Variants in GSR observed in about 807,000 individuals in gnomAD.
The protein encoded by GSR is glutathione-disulfide reductase.
GSR carries 48 observed loss-of-function variants against 56.5 expected under a neutral mutation model. That is an observed-to-expected ratio of 0.85 (90% confidence interval 0.67 to 1.08). GSR has a LOEUF of 1.08. Ranked by LOEUF, GSR falls within the 50% of genes least tolerant of loss-of-function variation. The pLI, the probability that GSR is intolerant of heterozygous loss-of-function variation, is 0.00. For missense variants in GSR, 694 were observed against 703.3 expected (o/e 0.99, Z 0.15); for synonymous variants, 264 against 270.8 (o/e 0.97, Z 0.25).
At position 30,708,833 on chromosome 8, in the gene GSR, C is replaced by A. The variant is rs557821382; in HGVS notation, c.423-692G>T. ...AATTACCCAGGCATGCTGGTGGGTG[C>A]CTGTAGTCCCAGCTACTCAGGAGGC... On this transcript the variant is annotated intron_variant, in intron 3 of 12. Coordinates refer to ENST00000221130, the MANE Select transcript of GSR (RefSeq NM_000637.5). Among the ~76,000 whole-genome samples the A allele has an allele frequency of 2.6e-5, 4 of 151,944 alleles. 1 individual carries two copies. In the South Asian group the frequency reaches 8.3e-4, roughly 32 times the overall value.
Position 30,703,243 on chromosome 8 carries a change from AAAG to A in GSR, c.493-6_493-4del. On this transcript the variant is annotated splice_polypyrimidine_tract_variant and splice_region_variant and intron_variant, in intron 4 of 12. Transcript: ENST00000221130. ...CCACGGATGATTTCTATATGGGACT[AAAG>A]AAGGAACCATGACATTAGCCTGTTC... 6.2e-7 allele frequency: 1 copy of A among 1,613,574 alleles called. No homozygotes were observed. The highest frequency in any genetic ancestry group is 1.1e-5 in the South Asian group (1 of 91,078).
rs1803276529 is a variant in GSR, at chr8:30,689,243, A to G, written c.959T>C (p.Met320Thr). 6.2e-7 allele frequency: 1 copy of G among 1,613,822 alleles called. No individual in the cohort carries two copies. Among genetic ancestry groups the G allele is most frequent in the African/African-American group, 1.3e-5 (1 of 74,934 alleles). Residue 320 changes from methionine (M) to threonine (T), a missense_variant, in exon 9 of 13, where the codon ATG (methionine) becomes ACG (threonine). By Grantham distance (81) the Met-to-Thr change is moderately conservative (BLOSUM62 -1). Transcript: ENST00000221130. ...GCAGTCAACATCTGGAATCATGGTC[A>G]TGACTGGTAGCCTACCGGGAACTGC... is the stretch of plus-strand genomic sequence containing the variant. Reference protein sequence around the residue: ...VTAVPGRLPVMTMIPDVDCLL... With the variant: ...VTAVPGRLPVTTMIPDVDCLL...
At chr8:30,722,731 CAAAAAAAAAAA>C (rs200083922) in intron 1 of GSR, among the ~76,000 whole-genome samples, 14 of 112,702 alleles carry the variant, frequency 1.2e-4, no homozygotes, top group Admixed American at 2.6e-4. Context: ...GACCCTGTCT[CAAAAAAAAAAA>C]AAAAAAAAAA....
chr8:30,687,888 AC>A (rs1470953383), intron 9 of GSR, among the ~76,000 whole-genome samples: 1 of 152,142 alleles, frequency 6.6e-6, no homozygotes, highest in African/African-American at 2.4e-5. Flanking sequence ...TGAGGCAAGA[AC>A]TTTTTTCATT....
At chr8:30,712,123 A>C in intron 1 of GSR, 35 bp from the exon 2 acceptor site, 1 of 1,237,358 alleles carries the variant, frequency 8.1e-7, no homozygotes, top group Non-Finnish European at 1.2e-6. Context: ...CTTTAAGAAT[A>C]TTGAATTCAA....
Position 30,679,268 on chromosome 8 carries a change from G to T in GSR, c.*252C>A. 2.0e-6 allele frequency: 1 copy of T among 508,610 alleles called. No individual in the cohort carries two copies. Among genetic ancestry groups the T allele is most frequent in the Non-Finnish European group, 3.5e-6 (1 of 286,354 alleles). 31.5% of individuals were successfully genotyped at this position (508,610 alleles called of 1,614,324 possible). ...AACAGAAAAAAAAAACTAGCACAGA[G>T]CTGTTAATAAAAAAAAAACTTGAAA... On this transcript the variant is annotated 3_prime_UTR_variant, in exon 13 of 13. Coordinates refer to ENST00000221130, the MANE Select transcript of GSR (RefSeq NM_000637.5).
intron 6 of GSR, among the ~76,000 whole-genome samples, chr8:30,697,015 C>CT (rs111969970): frequency 2.2e-4 from 32 of 148,438 alleles, no homozygotes; most frequent in Non-Finnish European, 2.5e-4. Flanking sequence ...TTCTATTAAT[C>CT]TTTTTTTTTT....
chr8:30,685,624 A>C (rs539465406), intron 9 of GSR, among the ~76,000 whole-genome samples: 1 of 152,220 alleles, frequency 6.6e-6, no homozygotes, highest in Admixed American at 6.6e-5. Context: ...GCAAATCCTA[A>C]GTATATATGA....
intron 6 of GSR, among the ~76,000 whole-genome samples, chr8:30,697,488 TATGATGGTCC>T (rs1563533813): frequency 6.6e-6 from 1 of 151,706 alleles, no homozygotes; most frequent in Non-Finnish European, 1.5e-5. Context: ...ATTATCCAAG[TATGATGGTCC>T]ATGTCTGTGG....
intron 1 of GSR, among the ~76,000 whole-genome samples, chr8:30,725,081 G>T (rs1371810567): frequency 2.6e-5 from 4 of 152,096 alleles, no homozygotes; most frequent in Non-Finnish European, 5.9e-5. Flanking sequence ...CTTAAGGGAA[G>T]GGACATGTCT....
intron 9 of GSR, among the ~76,000 whole-genome samples, chr8:30,687,918 C>G (rs1394974864): frequency 6.6e-6 from 1 of 152,042 alleles, no homozygotes; most frequent in Non-Finnish European, 1.5e-5. Flanking sequence ...GAATATGAAC[C>G]ACTTGAAGCA....
intron 3 of GSR, among the ~76,000 whole-genome samples, chr8:30,708,695 G>A (rs563006023): frequency 1.1e-3 from 164 of 152,126 alleles, no homozygotes; most frequent in African/African-American, 3.9e-3. Context: ...GGTGGCTCAC[G>A]CCTGTAATCC....
At chr8:30,724,486 G>A (rs1012787064) in intron 1 of GSR, among the ~76,000 whole-genome samples, 10 of 150,806 alleles carry the variant, frequency 6.6e-5, no homozygotes, top group African/African-American at 2.2e-4. Context: ...TTGATGCCTA[G>A]GCCTGGGACC....
chr8:30,712,282 A>C (rs1804177953), intron 1 of GSR, among the ~76,000 whole-genome samples, 194 bp from the exon 2 acceptor site: 1 of 152,170 alleles, frequency 6.6e-6, no homozygotes, highest in African/African-American at 2.4e-5. Context: ...GAGGGAGAGA[A>C]GTTCATTCAT....
chr8:30,678,353 ATATATATTTTT>A lies in GSR; in HGVS notation c.*1156_*1166del, dbSNP rs1802814252. 2 of 58,546 alleles carry A rather than the reference ATATATATTTTT, an allele frequency of 3.4e-5. No homozygotes were observed. Among genetic ancestry groups the A allele is most frequent in the Admixed American group, 2.9e-4 (1 of 3,400 alleles). 3.6% of individuals were successfully genotyped at this position (58,546 alleles called of 1,614,324 possible). ...CCTCATAAAAATAATATATATATATATATATATTTTTTTTTTTTTTTTTTGAGACAGGGTCT... is the reference window on the plus strand; with the variant it reads ...CCTCATAAAAATAATATATATATATATTTTTTTTTTTTTGAGACAGGGTCT... On this transcript the variant is annotated 3_prime_UTR_variant, in exon 13 of 13. Coordinates refer to ENST00000221130, the MANE Select transcript of GSR (RefSeq NM_000637.5).
chr8:30,684,221 A>C, intron 9 of GSR, 22 bp from the exon 10 acceptor site: 1 of 1,354,504 alleles, frequency 7.4e-7, no homozygotes, highest in Non-Finnish European at 1.1e-6. Flanking sequence ...AAGAGATATC[A>C]TGTAACCACT....
At chr8:30,727,409 G>T in intron 1 of GSR, 121 bp downstream of exon 1, 1 of 968,564 alleles carries the variant, frequency 1.0e-6, no homozygotes, top group Non-Finnish European at 1.5e-6. Flanking sequence ...GAGTTGCGGG[G>T]GTGGAAAAGA....
chr8:30,678,156 T>C lies in GSR; in HGVS notation c.*1364A>G, dbSNP rs1802808131. The C allele has an allele frequency of 6.6e-6, 1 of 151,958 alleles. No individual in the cohort carries two copies. Among genetic ancestry groups the C allele is most frequent in the South Asian group, 2.1e-4 (1 of 4,822 alleles). 9.4% of individuals were successfully genotyped at this position (151,958 alleles called of 1,614,324 possible). Reference sequence around the variant, plus strand: ...CAAGAACACATACAAATATTGAAATTATTCATTGAACTATAAACACTTAGC... The same window carrying C: ...CAAGAACACATACAAATATTGAAATCATTCATTGAACTATAAACACTTAGC... On this transcript the variant is annotated 3_prime_UTR_variant, in exon 13 of 13. Transcript: ENST00000221130.
At chr8:30,696,572 T>A in intron 6 of GSR, 93 bp from the exon 7 acceptor site, 1 of 840,624 alleles carries the variant, frequency 1.2e-6, no homozygotes, top group Admixed American at 1.8e-5. Context: ...GTACAGAGAT[T>A]TCCCTTATTA....
Sources: allele counts gnomAD v4.1 joint callset (sites outside exome capture counted in the v4.1 genomes callset), GRCh38; gene constraint gnomAD v4.1.1; transcripts MANE v1.5; gene names NCBI Gene and HGNC (gene_info 2026-07-23, HGNC 2026-07-21).